Variants in ADAMTS2 observed in about 807,000 individuals in gnomAD.
ADAMTS2 encodes A disintegrin and metalloproteinase with thrombospondin motifs 2.
In ADAMTS2, 50 loss-of-function variants were observed where a neutral mutation model predicts 123.0. The observed-to-expected ratio is 0.41, with a 90% confidence interval of 0.32 to 0.51. The LOEUF is 0.51. ADAMTS2 is among the 20% of genes least tolerant of loss of function. The probability of loss-of-function intolerance (pLI) is 0.35; values close to 1 mark genes in which losing one functional copy is unlikely to be tolerated. For missense variants in ADAMTS2, 1,494 were observed against 1,705.2 expected (o/e 0.88, Z 2.18); for synonymous variants, 678 against 695.4 (o/e 0.98, Z 0.39).
rs565098768 is a variant in ADAMTS2 at position 179,215,557 on chromosome 5, T to C, written c.689-7842A>G. On this transcript the variant is annotated intron_variant, in intron 3 of 21. Coordinates refer to ENST00000251582, the MANE Select transcript of ADAMTS2 (RefSeq NM_014244.5). ...ACAGATATCTGATTTGGCTCCTTTC[T>C]AGAATCCCATTAAAAGTTCAGTAAA... 6.6e-5 allele frequency among the ~76,000 whole-genome samples: 10 copies of C among 152,260 alleles called. No homozygotes were observed. In the East Asian group the frequency reaches 1.9e-3, roughly 29 times the overall value.
intron 17 of ADAMTS2, among the ~76,000 whole-genome samples, chr5:179,126,904 T>C (rs1162485447): frequency 1.3e-5 from 2 of 152,166 alleles, no homozygotes; most frequent in East Asian, 3.9e-4. Context: ...GGACATGGTG[T>C]GTATCCAGGA....
chr5:179,295,830 G>A (rs550136943), intron 2 of ADAMTS2, among the ~76,000 whole-genome samples: 7 of 152,336 alleles, frequency 4.6e-5, no homozygotes, highest in South Asian at 2.1e-4. Flanking sequence ...TTCCACACAC[G>A]TCCTCAAAAG....
chr5:179,189,510 GTTTT>G lies in ADAMTS2; in HGVS notation c.892-8359_892-8356del, dbSNP rs146295427. ...CTACAGGCGCCCGCCAGTGCGCCTG[GTTTT>G]TTTTTTTTTTTTTTTTTTTTTTTTA... is the stretch of plus-strand genomic sequence containing the variant. On this transcript the variant is annotated intron_variant, in intron 4 of 21. Transcript: ENST00000251582. This position sits in a 1 kb window ranked among gnomAD's most constrained non-coding sequence, Gnocchi z 4.2. 6.8e-4 allele frequency among the ~76,000 whole-genome samples: 54 copies of G among 78,954 alleles called. 4 individuals carry two copies. The highest frequency in any genetic ancestry group is 1.4e-3 in the African/African-American group (32 of 22,396). The allele number at this position is 78,954 out of a possible 152,430, so 51.8% of individuals were successfully genotyped here. A position where few individuals can be genotyped will look rare whatever the true frequency, so the allele number is the denominator to read the frequency against.
chr5:179,167,053 C>T lies in ADAMTS2; in HGVS notation c.976-8174G>A, dbSNP rs936014082. The stretch of plus-strand genomic sequence containing the variant: ...GGGAAGTGAGCCCAAAGGGCCGCCC[C>T]GGCAGATGCTGACCCCAGCAGGAAG... On this transcript the variant is annotated intron_variant, in intron 5 of 21. Coordinates refer to ENST00000251582, the MANE Select transcript of ADAMTS2 (RefSeq NM_014244.5). Among the ~76,000 whole-genome samples, 4 of 152,240 alleles carry T rather than the reference C, an allele frequency of 2.6e-5. No individual in the cohort carries two copies. The East Asian group carries it at 7.7e-4, about 29-fold the overall frequency.
intron 2 of ADAMTS2, among the ~76,000 whole-genome samples, chr5:179,295,444 C>T (rs974940740): frequency 6.6e-6 from 1 of 152,272 alleles, no homozygotes. Context: ...TCGTCCTGCC[C>T]GCAGCTCTGT....
intron 3 of ADAMTS2, among the ~76,000 whole-genome samples, chr5:179,231,614 AC>A (rs1162191815): frequency 6.6e-6 from 1 of 152,238 alleles, no homozygotes; most frequent in Admixed American, 6.5e-5. Flanking sequence ...TGATAATAGG[AC>A]AAATCAAAGC....
intron 10 of ADAMTS2, among the ~76,000 whole-genome samples, chr5:179,149,130 C>A (rs928749470): frequency 3.9e-5 from 6 of 152,146 alleles, no homozygotes; most frequent in Admixed American, 3.9e-4. Context: ...GGCCTGAGTG[C>A]GTGTGTCCCC....
At chr5:179,336,211 C>T (rs752384362) in intron 2 of ADAMTS2, among the ~76,000 whole-genome samples, 23 of 152,214 alleles carry the variant, frequency 1.5e-4, no homozygotes, top group Non-Finnish European at 2.5e-4. Flanking sequence ...ACACTTCCAA[C>T]GCAGTCCCTC....
In ADAMTS2 at chr5:179,217,756, T is replaced by C. The variant is rs542268026; in HGVS notation, c.689-10041A>G. Among the ~76,000 whole-genome samples, 53 of 135,550 alleles carry C rather than the reference T, an allele frequency of 3.9e-4. 1 individual carries two copies. Among genetic ancestry groups the C allele is most frequent in the African/African-American group, 1.8e-3 (51 of 28,958 alleles). The allele number at this position is 135,550 out of a possible 152,430, so 88.9% of individuals were successfully genotyped here. ...AGATGGCACACTTGCTAGGGGATGG[T>C]GTGAGGGGGGATGGGCACACTCACT... On this transcript the variant is annotated intron_variant, in intron 3 of 21. Transcript: ENST00000251582.
chr5:179,193,333 G>T (rs932864561), intron 4 of ADAMTS2, among the ~76,000 whole-genome samples: 1 of 152,138 alleles, frequency 6.6e-6, no homozygotes, highest in Admixed American at 6.5e-5. Context: ...ACTTCCCCGC[G>T]TGCGATATCT....
chr5:179,231,979 G>A (rs1765421601), intron 3 of ADAMTS2, among the ~76,000 whole-genome samples: 1 of 151,974 alleles, frequency 6.6e-6, no homozygotes, highest in Non-Finnish European at 1.5e-5. Flanking sequence ...ATATCCCAGA[G>A]AGTGAAGGCA....
intron 2 of ADAMTS2, among the ~76,000 whole-genome samples, chr5:179,323,827 CA>C (rs1757246030): frequency 6.6e-6 from 1 of 152,146 alleles, no homozygotes; most frequent in South Asian, 2.1e-4. Context: ...TAAAAGCACA[CA>C]AAAAAGTTTT....
intron 2 of ADAMTS2, among the ~76,000 whole-genome samples, chr5:179,304,139 A>ACAT (rs1280642087): frequency 6.6e-6 from 1 of 152,180 alleles, no homozygotes; most frequent in African/African-American, 2.4e-5. Flanking sequence ...AATGGACCTG[A>ACAT]CATTGAACCG....
At chr5:179,208,292 T>C (rs955691015) in intron 3 of ADAMTS2, among the ~76,000 whole-genome samples, 1 of 152,192 alleles carries the variant, frequency 6.6e-6, no homozygotes, top group Non-Finnish European at 1.5e-5. Flanking sequence ...CTGTGCATGT[T>C]CCCCAGTGTC....
At chr5:179,236,521 C>A (rs529261810) in intron 3 of ADAMTS2, among the ~76,000 whole-genome samples, 7 of 152,254 alleles carry the variant, frequency 4.6e-5, no homozygotes, top group African/African-American at 1.7e-4. Context: ...TTCTTTGCTG[C>A]GGCTCATGCC....
chr5:179,223,911 C>G (rs1480525887), intron 3 of ADAMTS2, among the ~76,000 whole-genome samples: 1 of 152,254 alleles, frequency 6.6e-6, no homozygotes, highest in East Asian at 1.9e-4. Context: ...TGGCCCTTGA[C>G]CCCTCTCTAA....
At chr5:179,322,345 T>A (rs190023656) in intron 2 of ADAMTS2, among the ~76,000 whole-genome samples, 1 of 152,062 alleles carries the variant, frequency 6.6e-6, no homozygotes, top group Non-Finnish European at 1.5e-5. Context: ...CACGGGGCCA[T>A]CTCAAGGTGG....
intron 3 of ADAMTS2, among the ~76,000 whole-genome samples, chr5:179,245,128 G>C (rs1765753749): frequency 1.3e-5 from 2 of 152,298 alleles, no homozygotes; most frequent in East Asian, 3.9e-4. Context: ...GGTCCATAGA[G>C]GGGGAAGGGG....
At chr5:179,209,537 T>A (rs796104805) in intron 3 of ADAMTS2, among the ~76,000 whole-genome samples, 13 of 119,940 alleles carry the variant, frequency 1.1e-4, no homozygotes, top group Non-Finnish European at 1.9e-5. Context: ...CACACACACA[T>A]GCACACACAT....
Sources: allele counts gnomAD v4.1 joint callset (sites outside exome capture counted in the v4.1 genomes callset), GRCh38; gene constraint gnomAD v4.1.1; non-coding constraint Gnocchi (gnomAD v3.1); transcripts MANE v1.5; gene names NCBI Gene and HGNC (gene_info 2026-07-23, HGNC 2026-07-21).